Variants in TPO observed in about 807,000 individuals in gnomAD.
TPO encodes the protein thyroid microsomal antigen.
TPO carries 78 observed loss-of-function variants against 96.9 expected under a neutral mutation model. That is an observed-to-expected ratio of 0.81 (90% CI 0.67 to 0.97). The LOEUF (loss-of-function observed/expected upper bound fraction) is 0.97, where lower values mean the gene tolerates loss of function less well. Among genes scored for constraint, TPO ranks in the 50% least tolerant of loss-of-function variants. The probability of loss-of-function intolerance (pLI) is 0.00; values close to 1 mark genes in which losing one functional copy is unlikely to be tolerated. For missense variants in TPO, 1,252 were observed against 1,274.8 expected, an observed-to-expected ratio of 0.98 and a Z score of 0.27; for synonymous variants, 547 against 538.0, an observed-to-expected ratio of 1.02 and a Z score of -0.23.
chr2:1,484,617 A>C lies in TPO; in HGVS notation c.1360A>C (p.Ile454Leu), dbSNP rs1670950070. 6.2e-7 allele frequency: 1 copy of C among 1,613,982 alleles called. No individual in the cohort carries two copies. ...LHQIITLRDY[I>L]PRILGPEAFQ... ...ACAGATCATCACCCTGAGGGATTAC[A>C]TCCCCAGGATCCTGGGACCCGAGGC... Residue 454 changes from isoleucine (I) to leucine (L), a missense_variant, in exon 9 of 17, where the codon ATC becomes CTC. Transcript: ENST00000329066.
At chr2:1,444,028 G>A (rs1666496170) in intron 5 of TPO, among the ~76,000 whole-genome samples, 1 of 144,052 alleles carries the variant, frequency 6.9e-6, no homozygotes, top group Non-Finnish European at 1.5e-5. Context: ...ATGTTGGAAG[G>A]GAATGGAGCT....
intron 15 of TPO, among the ~76,000 whole-genome samples, chr2:1,540,304 C>T (rs1339763553): frequency 1.3e-5 from 2 of 152,190 alleles, no homozygotes; most frequent in African/African-American, 4.8e-5. Flanking sequence ...CACTGCAGCC[C>T]GCGTCCCTTG....
intron 10 of TPO, among the ~76,000 whole-genome samples, chr2:1,489,992 GAC>G: frequency 3.4e-5 from 4 of 116,776 alleles, no homozygotes; most frequent in Admixed American, 1.7e-4. Context: ...GGGGAGTCAC[GAC>G]ACAGCAGTGT....
chr2:1,515,169 C>A (rs1182870249), intron 14 of TPO, among the ~76,000 whole-genome samples: 1 of 152,224 alleles, frequency 6.6e-6, no homozygotes, highest in African/African-American at 2.4e-5. Context: ...ATCAGCTCAG[C>A]CTTCCCCGCA....
At chr2:1,456,375 G>C in intron 7 of TPO, 93 bp downstream of exon 7, 2 of 1,365,816 alleles carry the variant, frequency 1.5e-6, no homozygotes, top group Non-Finnish European at 2.0e-6. Flanking sequence ...GTGAAAGTCT[G>C]TTTCTTTGTC....
At chr2:1,465,179 T>C (rs1464896922) in intron 7 of TPO, among the ~76,000 whole-genome samples, 1 of 152,216 alleles carries the variant, frequency 6.6e-6, no homozygotes, top group Non-Finnish European at 1.5e-5. Flanking sequence ...TTTATGTTTT[T>C]GTTTGCATTG....
At chr2:1,490,766 A>G (rs1448776175) in intron 10 of TPO, among the ~76,000 whole-genome samples, 2 of 152,222 alleles carry the variant, frequency 1.3e-5, no homozygotes, top group East Asian at 1.9e-4. Flanking sequence ...AAATCAGATA[A>G]AAGAGAAACG....
At position 1,477,480 on chromosome 2, in the gene TPO, C is replaced by G; in HGVS notation, c.1214C>G (p.Ala405Gly). The change falls in exon 8 of 17, where the codon GCA becomes GGA. Residue 405 changes from alanine to glycine, a missense_variant. Coordinates refer to ENST00000329066, the MANE Select transcript of TPO (RefSeq NM_001206744.2). Reference protein sequence around the residue: ...GRASEVPSLTALHTLWLREHN... With the variant: ...GRASEVPSLTGLHTLWLREHN... ...GCCAGCGAGGTCCCCTCCCTGACGG[C>G]ACTGCACACGCTGTGGCTGCGCGAG... 6.5e-7 allele frequency: 1 copy of G among 1,530,362 alleles called. No individual in the cohort carries two copies. The highest frequency in any genetic ancestry group is 8.7e-7 in the Non-Finnish European group (1 of 1,143,926). The allele number at this position is 1,530,362 out of a possible 1,614,324, so 94.8% of individuals were successfully genotyped here.
At chr2:1,423,995 C>T (rs889835102) in intron 3 of TPO, among the ~76,000 whole-genome samples, 4 of 152,138 alleles carry the variant, frequency 2.6e-5, no homozygotes, top group African/African-American at 9.7e-5. Context: ...CTCTTAGTAA[C>T]AATTTGTGAA....
chr2:1,496,746 C>T lies in TPO; in HGVS notation c.2367C>T (p.Phe789=). ...CTTGCACCCAGGAAGGATGGGATTT[C>T]CAGCCTCCCCTCTGCAAAGGTCAGT... ...QLTCTQEGWD[F]QPPLCKDVNE... The change falls in exon 13 of 17, where the codon TTC becomes TTT. Residue 789 remains phenylalanine (F), a synonymous_variant. Transcript: ENST00000329066. 6.2e-7 allele frequency: 1 copy of T among 1,614,140 alleles called. No individual in the cohort carries two copies. Among genetic ancestry groups the T allele is most frequent in the Non-Finnish European group, 8.5e-7 (1 of 1,180,030 alleles).
intron 1 of TPO, among the ~76,000 whole-genome samples, chr2:1,389,969 C>A (rs1199880442): frequency 6.6e-6 from 1 of 151,318 alleles, no homozygotes; most frequent in African/African-American, 2.4e-5. Flanking sequence ...TGGTTTTTTA[C>A]TGTGGTGTCC....
chr2:1,514,714 C>G (rs1456828916), intron 14 of TPO, among the ~76,000 whole-genome samples: 2 of 152,218 alleles, frequency 1.3e-5, no homozygotes, highest in African/African-American at 2.4e-5. Flanking sequence ...AAGCACACAG[C>G]CTTCAATCTG....
chr2:1,381,793 A>G (rs899405288), intron 1 of TPO, among the ~76,000 whole-genome samples: 2 of 152,184 alleles, frequency 1.3e-5, no homozygotes, highest in Non-Finnish European at 2.9e-5. Flanking sequence ...CTACAGGACC[A>G]TGTAGTTTGG....
chr2:1,430,135 C>T, intron 3 of TPO, among the ~76,000 whole-genome samples: 1 of 152,152 alleles, frequency 6.6e-6, no homozygotes, highest in African/African-American at 2.4e-5. Flanking sequence ...GGCCAGAGAT[C>T]TAGGAGGAAA....
At chr2:1,443,382 G>A (rs1342979339) in intron 5 of TPO, among the ~76,000 whole-genome samples, 4 of 149,840 alleles carry the variant, frequency 2.7e-5, no homozygotes. Flanking sequence ...GCTCCTTCTT[G>A]TTTGTATGAT....
intron 2 of TPO, among the ~76,000 whole-genome samples, chr2:1,415,051 C>A (rs1177588834): frequency 6.6e-6 from 1 of 152,172 alleles, no homozygotes; most frequent in Non-Finnish European, 1.5e-5. Context: ...GCAGGTGACA[C>A]CTCGCTGGGC....
At chr2:1,468,520 G>A (rs1349981814) in intron 7 of TPO, among the ~76,000 whole-genome samples, 1 of 152,166 alleles carries the variant, frequency 6.6e-6, no homozygotes, top group Non-Finnish European at 1.5e-5. Context: ...GTCTGAGGAG[G>A]CTGAAGATGG....
intron 7 of TPO, among the ~76,000 whole-genome samples, chr2:1,456,494 T>G (rs903679056): frequency 3.9e-5 from 6 of 152,170 alleles, no homozygotes; most frequent in African/African-American, 1.2e-4. Flanking sequence ...ATATATAGCA[T>G]GTATGATACT....
intron 10 of TPO, among the ~76,000 whole-genome samples, chr2:1,489,487 T>G (rs1357861265): frequency 6.6e-6 from 1 of 152,204 alleles, no homozygotes; most frequent in Non-Finnish European, 1.5e-5. Context: ...TGCTTCACTT[T>G]TCACCAACTG....
Sources: allele counts gnomAD v4.1 joint callset (sites outside exome capture counted in the v4.1 genomes callset), GRCh38; gene constraint gnomAD v4.1.1; transcripts MANE v1.5; gene names NCBI Gene and HGNC (gene_info 2026-07-23, HGNC 2026-07-21).